APP: variants seen among roughly 807,000 people sequenced by gnomAD.
APP encodes amyloid-beta precursor protein.
In APP, 31 loss-of-function variants were observed where a neutral mutation model predicts 101.4. That is an observed-to-expected ratio of 0.31 (90% confidence interval 0.23 to 0.41). The LOEUF (loss-of-function observed/expected upper bound fraction) is 0.41, where lower values mean the gene tolerates loss of function less well. Among genes scored for constraint, APP ranks in the 10% least tolerant of loss-of-function variants. APP has a pLI of 1.00. For missense variants in APP, 839 were observed against 1,003.7 expected (o/e 0.84, Z 2.22); for synonymous variants, 366 against 364.4 (o/e 1.00, Z -0.05).
chr21:25,962,177 CA>C (rs1481409613), intron 11 of APP, among the ~76,000 whole-genome samples: 1 of 152,108 alleles, frequency 6.6e-6, no homozygotes, highest in Non-Finnish European at 1.5e-5. Context: ...ACTGATGTGA[CA>C]TTTTTTAATT....
intron 2 of APP, among the ~76,000 whole-genome samples, chr21:26,091,503 T>C (rs2061825572): frequency 6.6e-6 from 1 of 152,130 alleles, no homozygotes; most frequent in African/African-American, 2.4e-5. Flanking sequence ...AATCATGAAC[T>C]GACAAATTGG....
At chr21:26,026,188 C>T (rs531241926) in intron 5 of APP, among the ~76,000 whole-genome samples, 6 of 152,164 alleles carry the variant, frequency 3.9e-5, no homozygotes, top group Non-Finnish European at 5.9e-5. Flanking sequence ...ATAAAATAAA[C>T]GCTTGGCAAC....
At chr21:26,108,240 T>C (rs986297085) in intron 2 of APP, among the ~76,000 whole-genome samples, 11 of 152,202 alleles carry the variant, frequency 7.2e-5, no homozygotes, top group Non-Finnish European at 1.5e-4. Flanking sequence ...TTTAATCACA[T>C]AGTTACAACT....
At position 26,021,961 on chromosome 21, in the gene APP, A is replaced by G; in HGVS notation, c.744T>C (p.Asp248=). 1 of 1,613,722 alleles carries G rather than the reference A, an allele frequency of 6.2e-7. No individual in the cohort carries two copies. Among genetic ancestry groups the G allele is most frequent in the Non-Finnish European group, 8.5e-7 (1 of 1,179,850 alleles). The stretch of plus-strand genomic sequence containing the variant: ...CTTCCTCTACCTCATCACCATCCTC[A>G]TCGTCCTCGTCATCATCGGCTTCTT... ...EEEEADDDED[D]EDGDEVEEEA... is the part of the protein sequence containing the mutation. Residue 248 remains aspartate, a synonymous_variant, in exon 6 of 18, where the codon GAT becomes GAC. Transcript: ENST00000346798.
chr21:25,923,451 A>G (rs1187403652), intron 13 of APP, among the ~76,000 whole-genome samples: 2 of 126,372 alleles, frequency 1.6e-5, no homozygotes, highest in Non-Finnish European at 3.3e-5. Context: ...GCAACCTACA[A>G]CATGGGAGAA....
In APP at chr21:26,086,271, G is replaced by C. The variant is rs570434240; in HGVS notation, c.355+3672C>G. ...CCAGAGGTACTACCAAAAGCAAAGG[G>C]TGAGATGAGAAAGCCAACTTATTCT... On this transcript the variant is annotated intron_variant, in intron 3 of 17. Coordinates refer to ENST00000346798, the MANE Select transcript of APP (RefSeq NM_000484.4). Among the ~76,000 whole-genome samples, 3 of 152,278 alleles carry C rather than the reference G, an allele frequency of 2.0e-5. No homozygotes were observed. The South Asian group carries it at 6.2e-4, about 32-fold the overall frequency.
intron 6 of APP, among the ~76,000 whole-genome samples, chr21:26,018,096 A>T (rs992969053): frequency 6.6e-5 from 10 of 152,228 alleles, no homozygotes; most frequent in African/African-American, 1.7e-4. Flanking sequence ...ATTCTAACAC[A>T]ATATGGCAGA....
At chr21:25,975,363 C>A in intron 10 of APP, 135 bp from the exon 11 acceptor site, 1 of 1,128,030 alleles carries the variant, frequency 8.9e-7, no homozygotes, top group Non-Finnish European at 1.3e-6. Flanking sequence ...CATAGTCATT[C>A]CAACATTGAC....
chr21:26,125,444 A>G (rs147312744), intron 1 of APP, among the ~76,000 whole-genome samples: 3 of 152,240 alleles, frequency 2.0e-5, no homozygotes, highest in African/African-American at 7.2e-5. Flanking sequence ...AACATTTTTG[A>G]GGGCTCCTAA....
intron 1 of APP, among the ~76,000 whole-genome samples, chr21:26,166,905 A>AG (rs1491156084): frequency 0.077 from 3,128 of 40,868 alleles, 143 homozygotes; most frequent in African/African-American, 0.3. Context: ...AGAGAGAGAG[A>AG]AAGAGAGAGA....
intron 1 of APP, among the ~76,000 whole-genome samples, chr21:26,112,650 T>C (rs2062355295): frequency 6.6e-6 from 1 of 152,236 alleles, no homozygotes; most frequent in African/African-American, 2.4e-5. Context: ...AGTGACTGTA[T>C]TATGATTTTG....
chr21:25,959,739 C>T (rs1203882112), intron 11 of APP, among the ~76,000 whole-genome samples: 2 of 152,130 alleles, frequency 1.3e-5, no homozygotes, highest in Non-Finnish European at 2.9e-5. Flanking sequence ...GTCCTCTATC[C>T]ATGTGGATAA....
chr21:25,985,346 T>A (rs1399110608), intron 8 of APP, among the ~76,000 whole-genome samples: 1 of 152,174 alleles, frequency 6.6e-6, no homozygotes, highest in Non-Finnish European at 1.5e-5. Flanking sequence ...CTGGATGAGA[T>A]TAGCATCGGA....
At chr21:26,000,271 C>T in intron 6 of APP, 89 bp from the exon 7 acceptor site, 2 of 1,528,966 alleles carry the variant, frequency 1.3e-6, no homozygotes, top group Non-Finnish European at 1.8e-6. Flanking sequence ...TTTTAATCCT[C>T]CCAGTGGCAA....
At chr21:26,131,570 A>C (rs2062797735) in intron 1 of APP, among the ~76,000 whole-genome samples, 1 of 152,188 alleles carries the variant, frequency 6.6e-6, no homozygotes, top group South Asian at 2.1e-4. Flanking sequence ...AATTTATACT[A>C]TACTGAGTAT....
intron 5 of APP, among the ~76,000 whole-genome samples, chr21:26,048,819 G>A (rs559950955): frequency 0.012 from 1,764 of 152,116 alleles, 36 homozygotes; most frequent in African/African-American, 0.04. Flanking sequence ...AGATTTTGAC[G>A]GGTCATAAGA....
rs1218856216 is a variant in APP, at chr21:25,959,869, G to A, written c.1459-4114C>T. Among the ~76,000 whole-genome samples, 6 of 152,288 alleles carry A rather than the reference G, an allele frequency of 3.9e-5. No homozygotes were observed. The South Asian group carries it at 1.2e-3, about 32-fold the overall frequency. The stretch of plus-strand genomic sequence containing the variant: ...TGAGATGGGTAATTAAATGGTGAAT[G>A]TATTCACATGTTTTCAATTGCTGAT... On this transcript the variant is annotated intron_variant, in intron 11 of 17. Transcript: ENST00000346798.
chr21:26,043,069 T>C (rs1011131511), intron 5 of APP, among the ~76,000 whole-genome samples: 3 of 152,216 alleles, frequency 2.0e-5, no homozygotes, highest in South Asian at 2.1e-4. Flanking sequence ...TCATACTTCA[T>C]CTTTTCTTAT....
intron 13 of APP, among the ~76,000 whole-genome samples, chr21:25,944,667 G>A (rs1246119189): frequency 1.3e-5 from 2 of 152,112 alleles, no homozygotes; most frequent in African/African-American, 4.8e-5. Context: ...TCTCAATTTG[G>A]ATTCATCTCC....
Sources: allele counts gnomAD v4.1 joint callset (sites outside exome capture counted in the v4.1 genomes callset), GRCh38; gene constraint gnomAD v4.1.1; transcripts MANE v1.5; gene names NCBI Gene and HGNC (gene_info 2026-07-23, HGNC 2026-07-21).